Variants in NUP214 observed in about 807,000 individuals in gnomAD.
NUP214 encodes the protein nuclear pore complex protein Nup214.
Under a neutral mutation model 196.2 loss-of-function variants are expected in NUP214, and 79 were observed. That is an observed-to-expected ratio of 0.40 (90% confidence interval 0.34 to 0.49). The LOEUF (loss-of-function observed/expected upper bound fraction) is 0.49, where lower values mean the gene tolerates loss of function less well. NUP214 is among the 20% of genes least tolerant of loss of function. The pLI is 0.58. For missense variants in NUP214, 2,468 were observed against 2,539.0 expected (o/e 0.97, Z 0.60); for synonymous variants, 1,020 against 990.5 (o/e 1.03, Z -0.56).
rs1221607237 is a variant in NUP214 at position 131,234,609 on chromosome 9, A to G, written c.*1122A>G. On this transcript the variant is annotated 3_prime_UTR_variant, in exon 36 of 36. Coordinates refer to ENST00000359428, the MANE Select transcript of NUP214 (RefSeq NM_005085.4). ...GAGATTTTTTTTTTTAGAGTTTTAC[A>G]TATTGGCAGGTTGTATTTTTTTAAT... The G allele has an allele frequency of 9.6e-5, 22 of 228,744 alleles. No individual in the cohort carries two copies. The Admixed American group carries it at 1.2e-3, about 12-fold the overall frequency. 14.2% of individuals were successfully genotyped at this position (228,744 alleles called of 1,614,324 possible).
At chr9:131,188,561 C>T (rs565682299) in intron 25 of NUP214, among the ~76,000 whole-genome samples, 20 of 152,330 alleles carry the variant, frequency 1.3e-4, no homozygotes, top group African/African-American at 4.6e-4. Context: ...ATTTAGCATT[C>T]GATCTTTCTT....
In NUP214 at chr9:131,233,501, G is replaced by A; in HGVS notation, c.*14G>A. 6.2e-7 allele frequency: 1 copy of A among 1,613,796 alleles called. No individual in the cohort carries two copies. The highest frequency in any genetic ancestry group is 8.5e-7 in the Non-Finnish European group (1 of 1,179,862). Reference sequence around the variant, plus strand: ...TGGCGAAGCTGAGGGCGTGTCAGCAGGCCTTTCGATCCCTGGGACCAACCG... The same window carrying A: ...TGGCGAAGCTGAGGGCGTGTCAGCAAGCCTTTCGATCCCTGGGACCAACCG... On this transcript the variant is annotated 3_prime_UTR_variant, in exon 36 of 36. Transcript: ENST00000359428.
rs116960559 is a variant in NUP214 at position 131,150,096 on chromosome 9, A to G, written c.2041-228A>G. 4.4e-3 allele frequency: 1,933 copies of G among 440,442 alleles called. 37 individuals are homozygous for G. The highest frequency in any genetic ancestry group is 0.041 in the East Asian group (1,203 of 29,284). The allele number at this position is 440,442 out of a possible 1,614,324, so 27.3% of individuals were successfully genotyped here. ...ATTTTATTATTCAACATGTCCCAGT[A>G]GGAGGTAAGTTCCATAAGAGTTGGG... On this transcript the variant is annotated intron_variant, in intron 14 of 35. Coordinates refer to ENST00000359428, the MANE Select transcript of NUP214 (RefSeq NM_005085.4).
chr9:131,224,034 C>T (rs1834659373), intron 32 of NUP214, among the ~76,000 whole-genome samples: 1 of 151,754 alleles, frequency 6.6e-6, no homozygotes, highest in African/African-American at 2.4e-5. Context: ...ATGCCCAGCC[C>T]CCAAATCACT....
intron 31 of NUP214, 136 bp downstream of exon 31, chr9:131,215,504 G>A: frequency 4.1e-6 from 4 of 977,300 alleles, no homozygotes; most frequent in Non-Finnish European, 5.6e-6. Flanking sequence ...CTTCCCCAAA[G>A]CAGTGTGATC....
intron 26 of NUP214, chr9:131,191,485 A>G (rs1833600978): frequency 6.6e-6 from 1 of 152,168 alleles, no homozygotes. Context: ...ATAAATAAAT[A>G]AAGTAGAGCA....
intron 31 of NUP214, among the ~76,000 whole-genome samples, chr9:131,216,874 A>G (rs1834414104): frequency 6.6e-6 from 1 of 152,082 alleles, no homozygotes; most frequent in South Asian, 2.1e-4. Context: ...AAATGAAAGA[A>G]ATCTGTTTGT....
intron 31 of NUP214, among the ~76,000 whole-genome samples, chr9:131,217,550 A>G (rs963169697): frequency 3.3e-5 from 5 of 152,188 alleles, no homozygotes; most frequent in Non-Finnish European, 5.9e-5. Context: ...ATGGCTCTTC[A>G]TTTTCCATTG....
chr9:131,215,897 AT>A (rs768564629), intron 31 of NUP214, among the ~76,000 whole-genome samples: 3,149 of 123,680 alleles, frequency 0.025, 39 homozygotes, highest in African/African-American at 0.07. Flanking sequence ...TCTTTAGCTA[AT>A]TTTTTTTTTT....
intron 33 of NUP214, chr9:131,229,893 C>A (rs1834829102): frequency 7.3e-6 from 3 of 409,280 alleles, no homozygotes; most frequent in East Asian, 6.7e-5. Flanking sequence ...TTCTTGCCCC[C>A]AGGTGCTGCC....
At chr9:131,177,562 A>G (rs1174209691) in intron 23 of NUP214, among the ~76,000 whole-genome samples, 1 of 152,186 alleles carries the variant, frequency 6.6e-6, no homozygotes, top group African/African-American at 2.4e-5. Flanking sequence ...TCTTTGAAAG[A>G]GGGAATAAAA....
At chr9:131,183,062 T>C (rs1274662704) in intron 24 of NUP214, among the ~76,000 whole-genome samples, 1 of 152,238 alleles carries the variant, frequency 6.6e-6, no homozygotes, top group Non-Finnish European at 1.5e-5. Context: ...TCATGATACA[T>C]TGTTATAAAC....
At chr9:131,130,151 G>GTTTTTTTTTTTTTTT (rs56836232) in intron 4 of NUP214, among the ~76,000 whole-genome samples, 23 of 109,202 alleles carry the variant, frequency 2.1e-4, no homozygotes, top group African/African-American at 3.6e-4. Flanking sequence ...TTTTTTTTTT[G>GTTTTTTTTTTTTTTT]TTTTTTTTTT....
chr9:131,177,103 A>G (rs1308510526), intron 23 of NUP214, among the ~76,000 whole-genome samples: 1 of 152,202 alleles, frequency 6.6e-6, no homozygotes, highest in Non-Finnish European at 1.5e-5. Context: ...ACACTTATCA[A>G]TTTAGAGTTT....
intron 9 of NUP214, among the ~76,000 whole-genome samples, chr9:131,138,006 G>A (rs780630740): frequency 6.6e-6 from 1 of 152,138 alleles, no homozygotes; most frequent in Non-Finnish European, 1.5e-5. Flanking sequence ...TCTGTAGACT[G>A]TTTTTAAAAG....
chr9:131,136,983 C>G (rs1453609484), intron 9 of NUP214, among the ~76,000 whole-genome samples: 1 of 152,216 alleles, frequency 6.6e-6, no homozygotes, highest in Non-Finnish European at 1.5e-5. Flanking sequence ...CCTCTTCAAC[C>G]ATTGGCATTT....
chr9:131,222,659 TC>T lies in NUP214; in HGVS notation c.5750-118del. On this transcript the variant is annotated intron_variant, in intron 31 of 35. Transcript: ENST00000359428. The stretch of plus-strand genomic sequence containing the variant: ...TCACTGTCGCTCCGCTCCCTTGGCT[TC>T]TAGGCGGCTTGTCACTCCCATCTTT... 4 of 1,228,000 alleles carry T rather than the reference TC, an allele frequency of 3.3e-6. No individual in the cohort carries two copies. In the Middle Eastern group the frequency reaches 6.9e-4, roughly 211 times the overall value. The allele number at this position is 1,228,000 out of a possible 1,614,324, so 76.1% of individuals were successfully genotyped here.
chr9:131,173,612 G>A (rs1833019382), intron 21 of NUP214, among the ~76,000 whole-genome samples: 1 of 151,806 alleles, frequency 6.6e-6, no homozygotes, highest in South Asian at 2.1e-4. Flanking sequence ...GAGACACTCA[G>A]GACCGAGGAC....
chr9:131,208,313 G>A (rs1179413390), intron 30 of NUP214, among the ~76,000 whole-genome samples: 1 of 152,186 alleles, frequency 6.6e-6, no homozygotes, highest in African/African-American at 2.4e-5. Context: ...TAGCCAAAAG[G>A]TGGAAACAAC....
Sources: allele counts gnomAD v4.1 joint callset (sites outside exome capture counted in the v4.1 genomes callset), GRCh38; gene constraint gnomAD v4.1.1; transcripts MANE v1.5; gene names NCBI Gene and HGNC (gene_info 2026-07-23, HGNC 2026-07-21).